RBFOX1: variants seen among roughly 807,000 people sequenced by gnomAD.
The protein encoded by RBFOX1 is RNA binding fox-1 homolog 1.
Under a neutral mutation model 57.7 loss-of-function variants are expected in RBFOX1, and 8 were observed. The ratio of observed to expected loss-of-function variants is 0.14; its 90% CI spans 0.08 to 0.25. The LOEUF is 0.25. Ranked by LOEUF, RBFOX1 falls within the 10% of genes least tolerant of loss-of-function variation. RBFOX1 has a pLI of 1.00. For missense variants in RBFOX1, 611 were observed against 548.5 expected (o/e 1.11, Z -1.14); for synonymous variants, 326 against 222.4 (o/e 1.47, Z -4.15).
intron 3 of RBFOX1, among the ~76,000 whole-genome samples, chr16:6,824,835 G>A (rs2091891000): frequency 6.6e-6 from 1 of 151,878 alleles, no homozygotes; most frequent in African/African-American, 2.4e-5. Flanking sequence ...AATACATGTG[G>A]ATTGGAAAGA....
intron 4 of RBFOX1, among the ~76,000 whole-genome samples, chr16:7,092,656 C>G (rs1245777022): frequency 6.6e-6 from 1 of 152,158 alleles, no homozygotes; most frequent in Non-Finnish European, 1.5e-5. Context: ...ATTGACAGAG[C>G]CTTTACGGAC....
chr16:7,118,279 A>G (rs1284757096), intron 4 of RBFOX1, among the ~76,000 whole-genome samples: 1 of 152,128 alleles, frequency 6.6e-6, no homozygotes, highest in African/African-American at 2.4e-5. Context: ...AACAGTGGTC[A>G]TTCTGGCTGG....
At chr16:5,511,972 C>A (rs1227839196) in intron 2 of RBFOX1, among the ~76,000 whole-genome samples, 1 of 152,162 alleles carries the variant, frequency 6.6e-6, no homozygotes, top group South Asian at 2.1e-4. Context: ...TGATGATAAA[C>A]CTTCCCTGAT....
At chr16:6,033,146 C>T (rs1016402226) in intron 1 of RBFOX1, among the ~76,000 whole-genome samples, 5 of 152,050 alleles carry the variant, frequency 3.3e-5, no homozygotes, top group African/African-American at 9.7e-5. Context: ...CCTCCGCAGA[C>T]ATTGTTTGGA....
chr16:6,971,509 G>GGT (rs34694992), intron 3 of RBFOX1, among the ~76,000 whole-genome samples: 63,847 of 149,756 alleles, frequency 0.43, 16,383 homozygotes, highest in Non-Finnish European at 0.58. Context: ...AGAGAGAGTT[G>GGT]GTGTGTGTGT....
At chr16:7,394,081 C>A (rs767030313) in intron 4 of RBFOX1, among the ~76,000 whole-genome samples, 8 of 151,552 alleles carry the variant, frequency 5.3e-5, no homozygotes, top group Non-Finnish European at 8.8e-5. Flanking sequence ...ACGAAAAATA[C>A]CAAAATTAGC....
intron 4 of RBFOX1, among the ~76,000 whole-genome samples, chr16:7,082,719 T>A (rs1328820527): frequency 6.6e-6 from 1 of 152,220 alleles, no homozygotes; most frequent in African/African-American, 2.4e-5. Context: ...GTATGCTGAT[T>A]GCTGTATATA....
chr16:5,582,014 C>A (rs1165996661), intron 2 of RBFOX1, among the ~76,000 whole-genome samples: 2 of 152,236 alleles, frequency 1.3e-5, no homozygotes, highest in Non-Finnish European at 2.9e-5. Flanking sequence ...TTGTTTCGAA[C>A]AGAAGGTGGC....
intron 1 of RBFOX1, among the ~76,000 whole-genome samples, chr16:5,326,765 T>C (rs925587662): frequency 6.6e-6 from 1 of 152,196 alleles, no homozygotes; most frequent in Non-Finnish European, 1.5e-5. Context: ...TGGCAATGAA[T>C]GGAGGAGGGA....
chr16:7,666,449 G>C (rs374521500), intron 13 of RBFOX1, among the ~76,000 whole-genome samples: 186 of 152,216 alleles, frequency 1.2e-3, no homozygotes, highest in Admixed American at 2.9e-3. Flanking sequence ...CATTTAGTGA[G>C]TGTCCACCTC....
chr16:7,191,500 G>A (rs1202454752), intron 4 of RBFOX1, among the ~76,000 whole-genome samples: 1 of 152,106 alleles, frequency 6.6e-6, no homozygotes, highest in Non-Finnish European at 1.5e-5. Context: ...CATTTATTTT[G>A]TATGTTATAT....
intron 2 of RBFOX1, among the ~76,000 whole-genome samples, chr16:6,458,625 C>T (rs575851788): frequency 6.6e-6 from 1 of 152,306 alleles, no homozygotes; most frequent in East Asian, 1.9e-4. Flanking sequence ...CTAAGTTGAT[C>T]AAACTCTTCC....
chr16:6,301,214 C>T (rs2078782454), intron 1 of RBFOX1, among the ~76,000 whole-genome samples: 1 of 152,146 alleles, frequency 6.6e-6, no homozygotes. Flanking sequence ...CACAACCAGA[C>T]TCTAAATCCA....
At chr16:5,580,102 C>T (rs1463166679) in intron 2 of RBFOX1, among the ~76,000 whole-genome samples, 1 of 152,182 alleles carries the variant, frequency 6.6e-6, no homozygotes, top group Non-Finnish European at 1.5e-5. Flanking sequence ...TCAGCATTAC[C>T]TACAACAGCT....
intron 3 of RBFOX1, among the ~76,000 whole-genome samples, chr16:5,664,617 C>T: frequency 6.6e-6 from 1 of 152,170 alleles, no homozygotes; most frequent in East Asian, 1.9e-4. Flanking sequence ...TGATATGCAG[C>T]AAACTCCCTA....
chr16:5,861,880 C>T (rs751685405), intron 3 of RBFOX1, among the ~76,000 whole-genome samples: 3 of 152,090 alleles, frequency 2.0e-5, no homozygotes, highest in African/African-American at 7.2e-5. Context: ...AAAGAAAAGA[C>T]CATGCATTCT....
rs574061563 is a variant in RBFOX1 at position 7,426,885 on chromosome 16, A to G, written c.28-91262A>G. 2.0e-5 allele frequency among the ~76,000 whole-genome samples: 3 copies of G among 152,280 alleles called. No homozygotes were observed. The South Asian group carries it at 6.2e-4, about 32-fold the overall frequency. ...CATCAGCATTCCTGCACGGCTTGTT[A>G]AAACCTCTGAGTCTGTGGCAGATAC... is the stretch of plus-strand genomic sequence containing the variant. On this transcript the variant is annotated intron_variant, in intron 4 of 15. Coordinates refer to ENST00000550418, the MANE Select transcript of RBFOX1 (RefSeq NM_018723.4).
At chr16:5,365,659 C>G (rs1415169518) in intron 1 of RBFOX1, 1 of 335,578 alleles carries the variant, frequency 3.0e-6, no homozygotes, top group Non-Finnish European at 5.7e-6. Flanking sequence ...CGGAGTAAGA[C>G]CCTGTCTCAG....
intron 3 of RBFOX1, among the ~76,000 whole-genome samples, chr16:6,685,016 A>G (rs115101910): frequency 0.015 from 2,215 of 152,282 alleles, 31 homozygotes; most frequent in African/African-American, 0.046. Context: ...GGGCTCAGGA[A>G]TAGTGAGGAA....
Sources: gnomAD v4.1 joint callset for allele counts (sites outside exome capture counted in the v4.1 genomes callset) on GRCh38, gnomAD v4.1.1 for gene constraint, MANE v1.5 for transcripts, NCBI Gene and HGNC (gene_info 2026-07-23, HGNC 2026-07-21) for gene names.